The following RUFY1 variants were observed in gnomAD, a reference collection of about 807,000 sequenced individuals.
RUFY1 encodes RUN and FYVE domain containing 1.
Under a neutral mutation model 94.6 loss-of-function variants are expected in RUFY1, and 54 were observed. The ratio of observed to expected loss-of-function variants is 0.57; its 90% CI spans 0.46 to 0.72. RUFY1 has a LOEUF of 0.72. Among genes scored for constraint, RUFY1 ranks in the 30% least tolerant of loss-of-function variants. The pLI is 0.00. For missense variants in RUFY1, 883 were observed against 883.9 expected (o/e 1.00, Z 0.01); for synonymous variants, 396 against 347.3 (o/e 1.14, Z -1.56).
intron 13 of RUFY1, chr5:179,597,065 T>A: frequency 5.5e-6 from 1 of 181,286 alleles, no homozygotes; most frequent in South Asian, 1.5e-4. Context: ...ATCTACAGAT[T>A]TTTTATTTTT....
intron 3 of RUFY1, among the ~76,000 whole-genome samples, chr5:179,565,164 CTTTTTTTTTTTTT>C (rs138223106): frequency 4.2e-5 from 3 of 71,926 alleles, no homozygotes; most frequent in African/African-American, 1.7e-4. Flanking sequence ...TCTAGGTTTT[CTTTTTTTTTTTTT>C]TTTTTTTTTT....
intron 7 of RUFY1, among the ~76,000 whole-genome samples, chr5:179,584,938 A>G (rs2127545795): frequency 6.6e-6 from 1 of 152,178 alleles, no homozygotes; most frequent in Middle Eastern, 3.4e-3. Context: ...GATTGAGACC[A>G]TCCTGGCTAA....
intron 8 of RUFY1, among the ~76,000 whole-genome samples, chr5:179,589,030 C>T (rs1200422640): frequency 6.6e-6 from 1 of 152,170 alleles, no homozygotes; most frequent in Non-Finnish European, 1.5e-5. Context: ...TGTACCCAGC[C>T]ACTCCATCTT....
chr5:179,557,491 T>C (rs1392734090), intron 1 of RUFY1, among the ~76,000 whole-genome samples: 2 of 152,348 alleles, frequency 1.3e-5, no homozygotes, highest in African/African-American at 4.8e-5. Flanking sequence ...TTAGGCACTT[T>C]GTTTAACCCA....
intron 17 of RUFY1, chr5:179,608,280 A>C (rs34155714): frequency 0.087 from 85,876 of 986,724 alleles, 3,891 homozygotes; most frequent in South Asian, 0.12. Flanking sequence ...TGTTCCCATC[A>C]ACAGCCTAGC....
chr5:179,605,911 A>C lies in RUFY1; in HGVS notation c.1892A>C (p.Asn631Thr). Residue 631 changes from asparagine to threonine, a missense_variant, in exon 16 of 18, where the codon AAC (asparagine) becomes ACC (threonine). By Grantham distance (65) the Asn-to-Thr change is moderately conservative. Coordinates refer to ENST00000319449, the MANE Select transcript of RUFY1 (RefSeq NM_025158.5). Reference protein sequence around the residue: ...KLKMEDIKEVNQALKGHAWLK... With the variant: ...KLKMEDIKEVTQALKGHAWLK... ...AAGATGGAAGATATAAAAGAAGTGAACCAGGCACTGAAGGTACTGCCTTGC... is the reference window on the plus strand; with the variant it reads ...AAGATGGAAGATATAAAAGAAGTGACCCAGGCACTGAAGGTACTGCCTTGC... 6.2e-7 allele frequency: 1 copy of C among 1,609,846 alleles called. No homozygotes were observed. The highest frequency in any genetic ancestry group is 8.5e-7 in the Non-Finnish European group (1 of 1,177,668).
At chr5:179,607,496 G>A (rs1488588700) in intron 16 of RUFY1, 86 bp from the exon 17 acceptor site, 1 of 1,078,280 alleles carries the variant, frequency 9.3e-7, no homozygotes, top group East Asian at 2.4e-5. Context: ...GTGCTATGAG[G>A]GACAATGGAT....
intron 5 of RUFY1, among the ~76,000 whole-genome samples, chr5:179,574,834 AGGGC>A (rs1334325912): frequency 5.9e-5 from 9 of 152,178 alleles, no homozygotes; most frequent in Non-Finnish European, 1.2e-4. Context: ...CTTTGGGAGT[AGGGC>A]TTTATTTGCT....
At chr5:179,578,716 T>C (rs572633315) in intron 6 of RUFY1, among the ~76,000 whole-genome samples, 389 of 152,136 alleles carry the variant, frequency 2.6e-3, no homozygotes, top group Non-Finnish European at 3.8e-3. Flanking sequence ...CGATCTTGGC[T>C]CACCGAAACC....
chr5:179,550,631 A>T lies in RUFY1; in HGVS notation c.62A>T (p.Glu21Val). 7.4e-7 allele frequency: 1 copy of T among 1,346,672 alleles called. No individual in the cohort carries two copies. Among genetic ancestry groups the T allele is most frequent in the Non-Finnish European group, 9.4e-7 (1 of 1,060,724 alleles). The allele number at this position is 1,346,672 out of a possible 1,614,324, so 83.4% of individuals were successfully genotyped here. ...GRGRELEPEL[E>V]PGPGPGSALE... ...GGGCGGGAGCTGGAGCCGGAGCTGG[A>T]GCCGGGGCCGGGGCCCGGGTCAGCG... The change falls in exon 1 of 18, where the codon GAG becomes GTG. Residue 21 changes from glutamate (E) to valine (V), a missense_variant. Coordinates refer to ENST00000319449, the MANE Select transcript of RUFY1 (RefSeq NM_025158.5).
rs1328287475 is a variant in RUFY1 at position 179,608,574 on chromosome 5, A to G, written c.1984-802A>G. ...GAACGAACCAGACTCTTCCTGTAAC[A>G]TGGACTAGCAGCTCACTGGCTTAGT... On this transcript the variant is annotated intron_variant, in intron 17 of 17. Coordinates refer to ENST00000319449, the MANE Select transcript of RUFY1 (RefSeq NM_025158.5). The G allele has an allele frequency of 6.1e-6, 6 of 985,392 alleles. No homozygotes were observed. The African/African-American group carries it at 1.0e-4, about 17-fold the overall frequency. 61.0% of individuals were successfully genotyped at this position (985,392 alleles called of 1,614,324 possible).
chr5:179,601,558 C>T (rs1271117907), intron 14 of RUFY1, among the ~76,000 whole-genome samples: 9 of 148,270 alleles, frequency 6.1e-5, no homozygotes, highest in East Asian at 2.0e-4. Context: ...CAGTGGCTCA[C>T]GCCTGTAATC....
chr5:179,609,729 C>G lies in RUFY1; in HGVS notation c.*210C>G, dbSNP rs1473151660. 1 of 491,716 alleles carries G rather than the reference C, an allele frequency of 2.0e-6. No homozygotes were observed. Among genetic ancestry groups the G allele is most frequent in the African/African-American group, 2.0e-5 (1 of 50,520 alleles). 30.5% of individuals were successfully genotyped at this position (491,716 alleles called of 1,614,324 possible). A position where few individuals can be genotyped will look rare whatever the true frequency, so the allele number is the denominator to read the frequency against. On this transcript the variant is annotated 3_prime_UTR_variant, in exon 18 of 18. Coordinates refer to ENST00000319449, the MANE Select transcript of RUFY1 (RefSeq NM_025158.5). Reference sequence around the variant, plus strand: ...AATTAACTCCTCTGGATGGAAACTTCCATCTTACTTGGTTACATCACGGCT... The same window carrying G: ...AATTAACTCCTCTGGATGGAAACTTGCATCTTACTTGGTTACATCACGGCT...
At chr5:179,576,916 T>C (rs548801957) in intron 5 of RUFY1, among the ~76,000 whole-genome samples, 159 bp from the exon 6 acceptor site, 41 of 152,158 alleles carry the variant, frequency 2.7e-4, no homozygotes, top group Middle Eastern at 6.8e-3. Flanking sequence ...GGGTTAGGTT[T>C]TTTTGGTTTG....
In RUFY1 at chr5:179,590,651, AT is replaced by A. The variant is rs1275512891; in HGVS notation, c.1129-967del. Among the ~76,000 whole-genome samples the A allele has an allele frequency of 2.2e-4, 33 of 150,848 alleles. No individual in the cohort carries two copies. The Middle Eastern group carries it at 0.014, about 63-fold the overall frequency. ...AGGCGCCTGCTACTACGCCCAGCTAATTTTTTTCTATATTTTTAGTAGAGAC... is the reference window on the plus strand; with the variant it reads ...AGGCGCCTGCTACTACGCCCAGCTAATTTTTTCTATATTTTTAGTAGAGAC... On this transcript the variant is annotated intron_variant, in intron 9 of 17. Coordinates refer to ENST00000319449, the MANE Select transcript of RUFY1 (RefSeq NM_025158.5).
intron 6 of RUFY1, among the ~76,000 whole-genome samples, chr5:179,580,245 A>ATT (rs1284315225): frequency 1.3e-4 from 11 of 81,680 alleles, no homozygotes; most frequent in Admixed American, 3.5e-4. Context: ...GTGTGTGTAT[A>ATT]TTTTTTTTTT....
intron 17 of RUFY1, 77 bp from the exon 18 acceptor site, chr5:179,609,299 C>A: frequency 6.7e-7 from 1 of 1,494,756 alleles, no homozygotes; most frequent in South Asian, 1.2e-5. Context: ...TGATGCGCTT[C>A]TGGGTCAGGA....
At chr5:179,565,164 C>CTTTTTTT (rs138223106) in intron 3 of RUFY1, among the ~76,000 whole-genome samples, 2 of 71,926 alleles carry the variant, frequency 2.8e-5, no homozygotes, top group African/African-American at 5.7e-5. Context: ...TCTAGGTTTT[C>CTTTTTTT]TTTTTTTTTT....
At chr5:179,604,983 C>CAA (rs199950744) in intron 15 of RUFY1, among the ~76,000 whole-genome samples, 1,277 of 123,344 alleles carry the variant, frequency 0.01, 22 homozygotes, top group African/African-American at 0.034. Context: ...GACTCCATCT[C>CAA]AAAAAAAAAA....
Sources: gnomAD v4.1 joint callset for allele counts (sites outside exome capture counted in the v4.1 genomes callset) on GRCh38, gnomAD v4.1.1 for gene constraint, MANE v1.5 for transcripts, NCBI Gene and HGNC (gene_info 2026-07-23, HGNC 2026-07-21) for gene names.